Variants in KCTD16 observed in about 807,000 individuals in gnomAD.
The protein encoded by KCTD16 is potassium channel tetramerization domain containing 16.
A neutral mutation model predicts 33.2 loss-of-function variants in KCTD16; 13 were observed. That is an observed-to-expected ratio of 0.39 (90% confidence interval 0.25 to 0.62). The LOEUF is 0.62. KCTD16 is among the 20% of genes least tolerant of loss of function. The pLI is 0.50. For synonymous variants in KCTD16, 197 were observed against 195.3 expected, an observed-to-expected ratio of 1.01 and a Z score of -0.07; for missense variants, 441 against 525.1, an observed-to-expected ratio of 0.84 and a Z score of 1.57.
At chr5:144,323,490 A>T (rs1752127460) in intron 3 of KCTD16, among the ~76,000 whole-genome samples, 1 of 152,174 alleles carries the variant, frequency 6.6e-6, no homozygotes, top group Non-Finnish European at 1.5e-5. Context: ...GAATGGGTAG[A>T]TGTGTACTAG....
rs539519995 is a variant in KCTD16 at position 144,417,734 on chromosome 5, C to T, written c.833-55926C>T. ...TTGCAAGTGTTTTATGGTTTTAGGT[C>T]TCCTATGTTCATTGATCCTTTTGAG... On this transcript the variant is annotated intron_variant, in intron 3 of 3. Transcript: ENST00000512467. 6.9e-4 allele frequency among the ~76,000 whole-genome samples: 105 copies of T among 152,110 alleles called. 1 individual carries two copies. The highest frequency in any genetic ancestry group is 2.4e-3 in the African/African-American group (101 of 41,504).
In KCTD16 at chr5:144,201,473, CAATTGGAGT is replaced by C. The variant is rs751998029; in HGVS notation, c.-326-4915_-326-4907del. On this transcript the variant is annotated intron_variant, in intron 2 of 3. Transcript: ENST00000512467. ...CATCTTTTGTAATTTCTTTATGCCT[CAATTGGAGT>C]TTAACAACAATGAATACAGATATTT... Among the ~76,000 whole-genome samples the C allele has an allele frequency of 3.0e-4, 45 of 152,166 alleles. 1 individual carries two copies. Among genetic ancestry groups the C allele is most frequent in the Admixed American group, 8.5e-4 (13 of 15,276 alleles).
chr5:144,324,198 A>G (rs1752146589), intron 3 of KCTD16, among the ~76,000 whole-genome samples: 1 of 152,092 alleles, frequency 6.6e-6, no homozygotes, highest in Admixed American at 6.6e-5. Context: ...ATGTAACTAA[A>G]TAGTACCCCA....
chr5:144,386,096 G>T (rs540956706), intron 3 of KCTD16, among the ~76,000 whole-genome samples: 1 of 152,280 alleles, frequency 6.6e-6, no homozygotes, highest in Non-Finnish European at 1.5e-5. Context: ...TGATAAAACA[G>T]ATACGTGTAT....
At chr5:144,403,846 T>C (rs1018612406) in intron 3 of KCTD16, among the ~76,000 whole-genome samples, 1 of 152,152 alleles carries the variant, frequency 6.6e-6, no homozygotes, top group African/African-American at 2.4e-5. Flanking sequence ...AAGCATAAGC[T>C]ATCATTCTGG....
chr5:144,404,797 G>C (rs1752776557), intron 3 of KCTD16, among the ~76,000 whole-genome samples: 1 of 151,486 alleles, frequency 6.6e-6, no homozygotes, highest in Non-Finnish European at 1.5e-5. Context: ...ATGTTAAGGT[G>C]CCTTCCTGGT....
At chr5:144,444,740 C>A (rs1443893818) in intron 3 of KCTD16, among the ~76,000 whole-genome samples, 1 of 151,552 alleles carries the variant, frequency 6.6e-6, no homozygotes, top group East Asian at 1.9e-4. Context: ...AAGACACATG[C>A]TTTCCTCTCC....
In KCTD16 at chr5:144,474,820, CACA is replaced by C. The variant is rs1471278268; in HGVS notation, c.*710_*712del. The C allele has an allele frequency of 6.6e-6, 1 of 152,202 alleles. No homozygotes were observed. Among genetic ancestry groups the C allele is most frequent in the African/African-American group, 2.4e-5 (1 of 41,448 alleles). 9.4% of individuals were successfully genotyped at this position (152,202 alleles called of 1,614,324 possible). A position where few individuals can be genotyped will look rare whatever the true frequency, so the allele number is the denominator to read the frequency against. ...TTGGGAAGATTTCCCAGCCTTTCTT[CACA>C]ACACTTTCTAACATCAAATGACTCT... On this transcript the variant is annotated 3_prime_UTR_variant, in exon 4 of 4. Transcript: ENST00000512467.
intron 3 of KCTD16, among the ~76,000 whole-genome samples, chr5:144,251,192 A>G (rs1474741285): frequency 6.6e-6 from 1 of 152,154 alleles, no homozygotes; most frequent in Non-Finnish European, 1.5e-5. Flanking sequence ...TTTTTTGAAG[A>G]ATTTTAGCTT....
chr5:144,332,606 G>A (rs946701778), intron 3 of KCTD16, among the ~76,000 whole-genome samples: 2 of 152,180 alleles, frequency 1.3e-5, no homozygotes, highest in Admixed American at 6.5e-5. Context: ...CTGAACTTCT[G>A]TTCTCTGCAT....
intron 3 of KCTD16, among the ~76,000 whole-genome samples, chr5:144,344,798 G>A (rs1023711053): frequency 3.1e-4 from 46 of 150,170 alleles, no homozygotes; most frequent in Admixed American, 8.7e-4. Flanking sequence ...TCAGTGTGGC[G>A]ATTCCTCAGG....
At chr5:144,292,375 G>A (rs1185903769) in intron 3 of KCTD16, among the ~76,000 whole-genome samples, 2 of 152,164 alleles carry the variant, frequency 1.3e-5, no homozygotes, top group South Asian at 2.1e-4. Context: ...TTCTGTATAG[G>A]GTGGGGTGAA....
intron 3 of KCTD16, among the ~76,000 whole-genome samples, chr5:144,448,588 A>T (rs1268256126): frequency 6.6e-6 from 1 of 152,114 alleles, no homozygotes; most frequent in Non-Finnish European, 1.5e-5. Context: ...TGGTTCTGGT[A>T]TTGCGAGGAG....
At chr5:144,221,684 G>A (rs925786121) in intron 3 of KCTD16, among the ~76,000 whole-genome samples, 1 of 152,128 alleles carries the variant, frequency 6.6e-6, no homozygotes, top group East Asian at 1.9e-4. Context: ...CATTTGGGTT[G>A]GTTTGAAGTC....
At chr5:144,336,964 A>G (rs1295336339) in intron 3 of KCTD16, among the ~76,000 whole-genome samples, 2 of 151,412 alleles carry the variant, frequency 1.3e-5, no homozygotes, top group African/African-American at 4.8e-5. Flanking sequence ...ATATTCATAC[A>G]TAATTGTAGT....
chr5:144,173,170 G>A (rs1752431823), intron 1 of KCTD16, among the ~76,000 whole-genome samples: 3 of 152,134 alleles, frequency 2.0e-5, no homozygotes, highest in Admixed American at 6.5e-5. Context: ...TCATAACTAC[G>A]CATGCATGTG....
intron 3 of KCTD16, among the ~76,000 whole-genome samples, chr5:144,315,692 G>T (rs1222549286): frequency 3.9e-5 from 6 of 152,072 alleles, no homozygotes; most frequent in African/African-American, 1.4e-4. Context: ...AGAAGATTAA[G>T]TTATTTATGT....
intron 2 of KCTD16, among the ~76,000 whole-genome samples, chr5:144,203,588 G>T (rs2126787071): frequency 6.6e-6 from 1 of 152,254 alleles, no homozygotes; most frequent in South Asian, 2.1e-4. Flanking sequence ...AGCTCTAAAA[G>T]ATTATAATTT....
At position 144,480,221 on chromosome 5, in the gene KCTD16, G is replaced by T. The variant is rs1460501524; in HGVS notation, c.*6107G>T. 1 of 151,884 alleles carries T rather than the reference G, an allele frequency of 6.6e-6. No individual in the cohort carries two copies. The highest frequency in any genetic ancestry group is 1.5e-5 in the Non-Finnish European group (1 of 67,916). The allele number at this position is 151,884 out of a possible 1,614,324, so 9.4% of individuals were successfully genotyped here. A position where few individuals can be genotyped will look rare whatever the true frequency, so the allele number is the denominator to read the frequency against. On this transcript the variant is annotated 3_prime_UTR_variant, in exon 4 of 4. Coordinates refer to ENST00000512467, the MANE Select transcript of KCTD16 (RefSeq NM_020768.4). ...GTCAGCTCAGTGGATAATGTGCGTG[G>T]GAGTGCTATCCGAGTGCATGGAAAA... is the stretch of plus-strand genomic sequence containing the variant.
Sources: allele counts gnomAD v4.1 joint callset (sites outside exome capture counted in the v4.1 genomes callset), GRCh38; gene constraint gnomAD v4.1.1; transcripts MANE v1.5; gene names NCBI Gene and HGNC (gene_info 2026-07-23, HGNC 2026-07-21).